SCARA3: variants seen among roughly 807,000 people sequenced by gnomAD.
SCARA3 encodes the protein scavenger receptor class A member 3, also known as cellular stress response gene protein.
In SCARA3, 39 loss-of-function variants were observed where a neutral mutation model predicts 47.0. That is an observed-to-expected ratio of 0.83 (90% confidence interval 0.64 to 1.08). The LOEUF (loss-of-function observed/expected upper bound fraction) is 1.08, where lower values mean the gene tolerates loss of function less well. Ranked by LOEUF, SCARA3 falls within the 50% of genes least tolerant of loss-of-function variation. The pLI, the probability that SCARA3 is intolerant of heterozygous loss-of-function variation, is 0.00. For missense variants in SCARA3, 724 were observed against 792.3 expected (o/e 0.91, Z 1.04); for synonymous variants, 356 against 334.1 (o/e 1.07, Z -0.71).
intron 1 of SCARA3, among the ~76,000 whole-genome samples, chr8:27,638,090 C>G (rs1323403237): frequency 6.6e-6 from 1 of 152,168 alleles, no homozygotes; most frequent in Admixed American, 6.5e-5. Flanking sequence ...ACTTTGCCCT[C>G]TAGCTGGGGG....
chr8:27,644,414 A>G (rs946582382), intron 1 of SCARA3, among the ~76,000 whole-genome samples: 5 of 152,192 alleles, frequency 3.3e-5, no homozygotes, highest in African/African-American at 1.2e-4. Flanking sequence ...CCTTGGGATC[A>G]GAGCAGGCAG....
intron 1 of SCARA3, among the ~76,000 whole-genome samples, 157 bp from the exon 2 acceptor site, chr8:27,649,545 G>GTT (rs1377848321): frequency 6.6e-6 from 1 of 152,176 alleles, no homozygotes; most frequent in East Asian, 1.9e-4. Flanking sequence ...TGATTCTTAT[G>GTT]TCCGCTCCCT....
chr8:27,650,804 TCC>T (rs1261748511), intron 2 of SCARA3, among the ~76,000 whole-genome samples: 3 of 152,210 alleles, frequency 2.0e-5, no homozygotes, highest in African/African-American at 7.2e-5. Flanking sequence ...AACTTCTGGT[TCC>T]CTGAAAAGTT....
chr8:27,634,973 G>C (rs1451672424), intron 1 of SCARA3, among the ~76,000 whole-genome samples: 1 of 152,214 alleles, frequency 6.6e-6, no homozygotes, highest in Non-Finnish European at 1.5e-5. Context: ...TATCTCATGA[G>C]GCAGGGAACC....
At chr8:27,679,253 G>A (rs966721711), downstream of SCARA3, among the ~76,000 whole-genome samples, 1 of 151,408 alleles carries the variant, frequency 6.6e-6, no homozygotes, top group South Asian at 2.1e-4. Context: ...CAAAAAATTA[G>A]CCAGGCATGT....
the SCARA3 span, among the ~76,000 whole-genome samples, chr8:27,691,195 C>T: frequency 6.6e-6 from 1 of 151,148 alleles, no homozygotes; most frequent in East Asian, 2.0e-4. Context: ...GGCAGGCTGC[C>T]TTTCCAAAGC....
At chr8:27,695,484 C>G in the SCARA3 span, among the ~76,000 whole-genome samples, 1 of 151,996 alleles carries the variant, frequency 6.6e-6, no homozygotes, top group African/African-American at 2.4e-5. Context: ...CACACAATAG[C>G]AAATAAAAAA....
the SCARA3 span, among the ~76,000 whole-genome samples, chr8:27,698,621 A>G: frequency 1.7e-3 from 266 of 152,344 alleles, no homozygotes; most frequent in Middle Eastern, 3.4e-3. Context: ...ATCCTAGGGA[A>G]TTTACAAGAA....
Position 27,649,825 on chromosome 8 carries a change from A to T in SCARA3, c.106+25A>T, listed in dbSNP as rs367728326. 3.8e-6 allele frequency: 6 copies of T among 1,584,742 alleles called. No individual in the cohort carries two copies. In the African/African-American group the frequency reaches 4.0e-5, roughly 11 times the overall value. On this transcript the variant is annotated intron_variant, in intron 2 of 5. Transcript: ENST00000301904. ...GGTAAGGACTCTGGGGCTGCCCCTG[A>T]TCTCCGCTCTGGGCTGAGAGATCCC...
the SCARA3 span, among the ~76,000 whole-genome samples, chr8:27,700,578 G>T: frequency 6.7e-6 from 1 of 149,680 alleles, no homozygotes; most frequent in Non-Finnish European, 1.5e-5. Flanking sequence ...CTGCACTCCA[G>T]CCTAAGCAAC....
the SCARA3 span, among the ~76,000 whole-genome samples, chr8:27,689,944 C>A: frequency 6.6e-6 from 1 of 152,286 alleles, no homozygotes; most frequent in Non-Finnish European, 1.5e-5. Context: ...GACAACATAG[C>A]AAGACCTCAT....
chr8:27,718,210 G>T, the SCARA3 span, among the ~76,000 whole-genome samples: 2 of 152,258 alleles, frequency 1.3e-5, no homozygotes, highest in Non-Finnish European at 2.9e-5. Context: ...CCAGGCCAGA[G>T]AATTGCCCCC....
At chr8:27,634,285 T>C in intron 1 of SCARA3, 78 bp downstream of exon 1, 1 of 1,239,998 alleles carries the variant, frequency 8.1e-7, no homozygotes, top group Non-Finnish European at 1.0e-6. Flanking sequence ...GGGGGCGCCT[T>C]TTCTGCAGGC....
In SCARA3 at chr8:27,672,461, G is replaced by A. The variant is rs34703349; in HGVS notation, c.*1110G>A. ...CCCAAGGGGGCTCCTCTGGAGTGGT[G>A]GGGAGGATTAGGCTGCAGAAGGGCC... is the stretch of plus-strand genomic sequence containing the variant. On this transcript the variant is annotated 3_prime_UTR_variant, in exon 6 of 6. Transcript: ENST00000301904. The A allele has an allele frequency of 0.068, 67,145 of 985,548 alleles. 2,473 individuals carry two copies. The highest frequency in any genetic ancestry group is 0.21 in the East Asian group (1,857 of 8,770). The allele number at this position is 985,548 out of a possible 1,614,324, so 61.1% of individuals were successfully genotyped here. A position where few individuals can be genotyped will look rare whatever the true frequency, so the allele number is the denominator to read the frequency against.
downstream of SCARA3, among the ~76,000 whole-genome samples, chr8:27,678,870 A>G (rs1264479199): frequency 6.6e-6 from 1 of 152,170 alleles, no homozygotes; most frequent in Non-Finnish European, 1.5e-5. Context: ...CTCAGTATAA[A>G]CCTTGTAGTT....
At chr8:27,714,193 C>CTTTT in the SCARA3 span, among the ~76,000 whole-genome samples, 9 of 114,124 alleles carry the variant, frequency 7.9e-5, no homozygotes, top group African/African-American at 2.5e-4. Context: ...TCAGGTATTC[C>CTTTT]TTTTTTTTTT....
At chr8:27,645,137 A>G (rs1429384095) in intron 1 of SCARA3, among the ~76,000 whole-genome samples, 1 of 152,242 alleles carries the variant, frequency 6.6e-6, no homozygotes, top group Non-Finnish European at 1.5e-5. Context: ...ATATAAATTA[A>G]GCCTTTGCAC....
At chr8:27,646,962 G>GCCCCCCCCCCCCCCCCC (rs1563402839) in intron 1 of SCARA3, among the ~76,000 whole-genome samples, 1 of 21,630 alleles carries the variant, frequency 4.6e-5, no homozygotes, top group Admixed American at 8.8e-4. Context: ...CCGCACCCCT[G>GCCCCCCCCCCCCCCCCC]ACCGCCCCCG....
the SCARA3 span, among the ~76,000 whole-genome samples, chr8:27,695,425 C>T: frequency 6.6e-6 from 1 of 152,168 alleles, no homozygotes; most frequent in Non-Finnish European, 1.5e-5. Flanking sequence ...GGGTAAATAA[C>T]AGACTCCATA....
Sources: allele counts gnomAD v4.1 joint callset (sites outside exome capture counted in the v4.1 genomes callset), GRCh38; gene constraint gnomAD v4.1.1; transcripts MANE v1.5; gene names NCBI Gene and HGNC (gene_info 2026-07-23, HGNC 2026-07-21).